Variants in MLYCD observed in about 807,000 individuals in gnomAD.
The protein encoded by MLYCD is malonyl-CoA decarboxylase, mitochondrial.
A neutral mutation model predicts 35.8 loss-of-function variants in MLYCD; 27 were observed. That is an observed-to-expected ratio of 0.75 (90% confidence interval 0.56 to 1.04). The LOEUF (loss-of-function observed/expected upper bound fraction) is 1.04, where lower values mean the gene tolerates loss of function less well. MLYCD is among the 50% of genes least tolerant of loss of function. The probability of loss-of-function intolerance (pLI) is 0.00; values close to 1 mark genes in which losing one functional copy is unlikely to be tolerated. For synonymous variants in MLYCD, 403 were observed against 302.4 expected (o/e 1.33, Z -3.45); for missense variants, 917 against 665.1 (o/e 1.38, Z -4.17).
chr16:83,907,882 A>T (rs1907037609), intron 2 of MLYCD, among the ~76,000 whole-genome samples: 1 of 152,114 alleles, frequency 6.6e-6, no homozygotes, highest in African/African-American at 2.4e-5. Flanking sequence ...GAGCCTCACA[A>T]ACTCCTTTTA....
In MLYCD at chr16:83,906,933, A is replaced by G; in HGVS notation, c.529-54A>G. ...TCCTTGTGCTGACCACAACACAGAG[A>G]TGGGCTTGATCTGTCGCACATTGGA... On this transcript the variant is annotated intron_variant, in intron 1 of 4. Coordinates refer to ENST00000262430, the MANE Select transcript of MLYCD (RefSeq NM_012213.3). The G allele has an allele frequency of 1.4e-5, 20 of 1,439,630 alleles. No homozygotes were observed. The South Asian group carries it at 2.2e-4, about 16-fold the overall frequency. 89.2% of individuals were successfully genotyped at this position (1,439,630 alleles called of 1,614,324 possible).
chr16:83,927,013 T>A lies in MLYCD; in HGVS notation c.*11524T>A, dbSNP rs1567642366. The A allele has an allele frequency of 7.7e-6, 1 of 129,810 alleles. No individual in the cohort carries two copies. The highest frequency in any genetic ancestry group is 3.3e-5 in the African/African-American group (1 of 30,754). The allele number at this position is 129,810 out of a possible 1,614,324, so 8.0% of individuals were successfully genotyped here. ...ACTACGTCTCAAAAAAAAATAAAAA[T>A]AAAAAAATAAAATCCTAACAGGTAG... On this transcript the variant is annotated 3_prime_UTR_variant, in exon 5 of 5. Transcript: ENST00000262430.
chr16:83,908,528 T>TA (rs1907062580), intron 3 of MLYCD, among the ~76,000 whole-genome samples: 2 of 152,294 alleles, frequency 1.3e-5, no homozygotes, highest in African/African-American at 2.4e-5. Flanking sequence ...TAGGTTGAGA[T>TA]ACAGTTAAAG....
At chr16:83,901,052 T>C (rs1906767371) in intron 1 of MLYCD, among the ~76,000 whole-genome samples, 1 of 152,148 alleles carries the variant, frequency 6.6e-6, no homozygotes, top group South Asian at 2.1e-4. Flanking sequence ...ATGTCAAGAG[T>C]GACAACAGTG....
At chr16:83,910,953 TCA>T (rs1419214136) in intron 3 of MLYCD, among the ~76,000 whole-genome samples, 1 of 152,104 alleles carries the variant, frequency 6.6e-6, no homozygotes, top group Non-Finnish European at 1.5e-5. Flanking sequence ...ATGCATAGAC[TCA>T]CACATTCCAT....
At chr16:83,905,027 C>G (rs182535869) in intron 1 of MLYCD, among the ~76,000 whole-genome samples, 100 of 152,320 alleles carry the variant, frequency 6.6e-4, no homozygotes, top group African/African-American at 2.3e-3. Context: ...GCCATCACCC[C>G]AAAACCTGCA....
chr16:83,906,599 G>A (rs9937463), intron 1 of MLYCD, among the ~76,000 whole-genome samples: 456 of 152,294 alleles, frequency 3.0e-3, no homozygotes, highest in African/African-American at 0.01. Flanking sequence ...CAGTGCTGTT[G>A]ACACCCTTGC....
intron 3 of MLYCD, among the ~76,000 whole-genome samples, chr16:83,911,471 C>G (rs1315062248): frequency 1.3e-5 from 2 of 152,224 alleles, no homozygotes; most frequent in Non-Finnish European, 2.9e-5. Flanking sequence ...CCCTGCTGTT[C>G]CACTGTTATC....
intron 1 of MLYCD, among the ~76,000 whole-genome samples, chr16:83,904,207 A>G (rs959959710): frequency 1.3e-5 from 2 of 152,176 alleles, no homozygotes; most frequent in Non-Finnish European, 2.9e-5. Context: ...CGAATGTAAG[A>G]CAGATACCAG....
At chr16:83,899,737 T>G in intron 1 of MLYCD, 65 bp downstream of exon 1, 1 of 1,443,612 alleles carries the variant, frequency 6.9e-7, no homozygotes, top group Non-Finnish European at 9.1e-7. Context: ...AGTCCTCACT[T>G]GCCCCCTCCA....
Position 83,925,841 on chromosome 16 carries a change from G to A in MLYCD, c.*10352G>A, listed in dbSNP as rs943704460. The A allele has an allele frequency of 1.3e-5, 2 of 152,400 alleles. No homozygotes were observed. The highest frequency in any genetic ancestry group is 4.8e-5 in the African/African-American group (2 of 41,440). The allele number at this position is 152,400 out of a possible 1,614,324, so 9.4% of individuals were successfully genotyped here. On this transcript the variant is annotated 3_prime_UTR_variant, in exon 5 of 5. Transcript: ENST00000262430. ...GTCCTCTCCTCAGGAAGATTTCCCTGGTGGCTTGACTAGGTCACAGTCCCC... is the reference window on the plus strand; with the variant it reads ...GTCCTCTCCTCAGGAAGATTTCCCTAGTGGCTTGACTAGGTCACAGTCCCC...
rs1387205222 is a variant in MLYCD, at chr16:83,924,048, G to T, written c.*8559G>T. ...CTGGCCGTATCGGTCCGAGCCCTCG[G>T]CTGCCAGGGAGAGAAGCTGAGCTCC... On this transcript the variant is annotated 3_prime_UTR_variant, in exon 5 of 5. Coordinates refer to ENST00000262430, the MANE Select transcript of MLYCD (RefSeq NM_012213.3). 2.0e-5 allele frequency: 3 copies of T among 152,206 alleles called. No homozygotes were observed. Among genetic ancestry groups the T allele is most frequent in the Admixed American group, 2.0e-4 (3 of 15,282 alleles). The allele number at this position is 152,206 out of a possible 1,614,324, so 9.4% of individuals were successfully genotyped here. A position where few individuals can be genotyped will look rare whatever the true frequency, so the allele number is the denominator to read the frequency against.
chr16:83,913,274 T>C (rs1211832777), intron 4 of MLYCD: 2 of 152,274 alleles, frequency 1.3e-5, no homozygotes, highest in African/African-American at 4.8e-5. Flanking sequence ...CAATGAGCCG[T>C]AGCTCATTCC....
Position 83,899,173 on chromosome 16 carries a change from C to T in MLYCD, c.29C>T (p.Ala10Val). The T allele has an allele frequency of 8.6e-7, 1 of 1,165,762 alleles. No individual in the cohort carries two copies. The highest frequency in any genetic ancestry group is 4.8e-5 in the East Asian group (1 of 20,630). 72.2% of individuals were successfully genotyped at this position (1,165,762 alleles called of 1,614,324 possible). A position where few individuals can be genotyped will look rare whatever the true frequency, so the allele number is the denominator to read the frequency against. ...CGAGGCTTCGGGCCAGGCTTGACGG[C>T]CAGGCGTCTCCTCCCGCTGCGGTTG... is the stretch of plus-strand genomic sequence containing the variant. MRGFGPGLT[A>V]RRLLPLRLPP... The change falls in exon 1 of 5, where the codon GCC becomes GTC. Residue 10 changes from alanine to valine, a missense_variant. Ala to Val is a moderately conservative substitution (Grantham distance 64). Coordinates refer to ENST00000262430, the MANE Select transcript of MLYCD (RefSeq NM_012213.3).
At chr16:83,906,813 T>G (rs1007679847) in intron 1 of MLYCD, among the ~76,000 whole-genome samples, 174 bp from the exon 2 acceptor site, 1 of 152,192 alleles carries the variant, frequency 6.6e-6, no homozygotes, top group African/African-American at 2.4e-5. Flanking sequence ...CTGACTTGGT[T>G]TGAGATAAGA....
At chr16:83,902,175 A>G (rs1301441669) in intron 1 of MLYCD, among the ~76,000 whole-genome samples, 1 of 144,780 alleles carries the variant, frequency 6.9e-6, no homozygotes. Context: ...ATATATATAT[A>G]TATATATATA....
At chr16:83,911,920 A>G in intron 3 of MLYCD, 1 of 403,780 alleles carries the variant, frequency 2.5e-6, no homozygotes, top group East Asian at 5.6e-5. Context: ...TTGTTTGCAC[A>G]AAGGCCTAAA....
chr16:83,903,089 C>T (rs76455307), intron 1 of MLYCD, among the ~76,000 whole-genome samples: 1,702 of 152,128 alleles, frequency 0.011, 32 homozygotes, highest in African/African-American at 0.036. Flanking sequence ...AAGGTCTGAG[C>T]GAGGTTCAGT....
In MLYCD at chr16:83,922,379, A is replaced by G. The variant is rs1567640844; in HGVS notation, c.*6890A>G. 6.6e-6 allele frequency: 1 copy of G among 152,244 alleles called. No individual in the cohort carries two copies. Among genetic ancestry groups the G allele is most frequent in the Non-Finnish European group, 1.5e-5 (1 of 68,102 alleles). 9.4% of individuals were successfully genotyped at this position (152,244 alleles called of 1,614,324 possible). ...ACAGGGTTTCACAAGAGGCCCAGCC[A>G]TGCACCCTGCTGGGGTTCAGACTTG... is the stretch of plus-strand genomic sequence containing the variant. On this transcript the variant is annotated 3_prime_UTR_variant, in exon 5 of 5. Coordinates refer to ENST00000262430, the MANE Select transcript of MLYCD (RefSeq NM_012213.3).
Sources: allele counts gnomAD v4.1 joint callset (sites outside exome capture counted in the v4.1 genomes callset), GRCh38; gene constraint gnomAD v4.1.1; transcripts MANE v1.5; gene names NCBI Gene and HGNC (gene_info 2026-07-23, HGNC 2026-07-21).